DPYD: variants seen among roughly 807,000 people sequenced by gnomAD.
The protein encoded by DPYD is dihydropyrimidine dehydrogenase [NADP(+)].
Under a neutral mutation model 116.2 loss-of-function variants are expected in DPYD, and 109 were observed. The ratio of observed to expected loss-of-function variants is 0.94; its 90% confidence interval spans 0.80 to 1.10. The LOEUF is 1.10. DPYD is among the 50% of genes least tolerant of loss of function. The pLI, the probability that DPYD is intolerant of heterozygous loss-of-function variation, is 0.00. For synonymous variants in DPYD, 440 were observed against 432.0 expected, an observed-to-expected ratio of 1.02 and a Z score of -0.23; for missense variants, 1,302 against 1,254.5, an observed-to-expected ratio of 1.04 and a Z score of -0.57.
At chr1:97,532,576 G>C (rs1649707534) in intron 12 of DPYD, among the ~76,000 whole-genome samples, 1 of 151,894 alleles carries the variant, frequency 6.6e-6, no homozygotes, top group African/African-American at 2.4e-5. Context: ...GGTCTTTTCA[G>C]GTTTTCTATT....
intron 18 of DPYD, among the ~76,000 whole-genome samples, chr1:97,287,406 C>A (rs1665773432): frequency 6.6e-6 from 1 of 152,176 alleles, no homozygotes; most frequent in Non-Finnish European, 1.5e-5. Context: ...AGGCAGTCTG[C>A]CCCTTCTCAG....
intron 13 of DPYD, among the ~76,000 whole-genome samples, chr1:97,494,751 AACACAC>A (rs10657499): frequency 2.7e-5 from 4 of 146,636 alleles, no homozygotes; most frequent in Admixed American, 1.4e-4. Flanking sequence ...CAAAAAAGAA[AACACAC>A]ACACACACAC....
chr1:97,275,837 A>G (rs1464173035), intron 18 of DPYD, among the ~76,000 whole-genome samples: 1 of 152,158 alleles, frequency 6.6e-6, no homozygotes, highest in Admixed American at 6.5e-5. Context: ...CTTGAGGCAT[A>G]GACATGTGCA....
chr1:97,294,031 T>C lies in DPYD; in HGVS notation c.2299+11228A>G, dbSNP rs151298408. Among the ~76,000 whole-genome samples, 641 of 152,224 alleles carry C rather than the reference T, an allele frequency of 4.2e-3. 11 individuals are homozygous for C. Among genetic ancestry groups the C allele is most frequent in the African/African-American group, 0.015 (615 of 41,548 alleles). Reference sequence around the variant, plus strand: ...AGAATAAAATGGGGTTTCTTACATGTCTACTATGTCCCTGAAACTTTCATA... The same window carrying C: ...AGAATAAAATGGGGTTTCTTACATGCCTACTATGTCCCTGAAACTTTCATA... On this transcript the variant is annotated intron_variant, in intron 18 of 22. Coordinates refer to ENST00000370192, the MANE Select transcript of DPYD (RefSeq NM_000110.4).
At chr1:97,719,192 A>G (rs1323127512) in intron 5 of DPYD, among the ~76,000 whole-genome samples, 1 of 146,466 alleles carries the variant, frequency 6.8e-6, no homozygotes, top group East Asian at 2.0e-4. Flanking sequence ...AAAAAAAAGC[A>G]GCTGGCCTCC....
intron 20 of DPYD, among the ~76,000 whole-genome samples, chr1:97,109,665 G>C (rs1457891828): frequency 6.6e-6 from 1 of 151,972 alleles, no homozygotes; most frequent in Non-Finnish European, 1.5e-5. Context: ...AGAAACACCT[G>C]TTTTAATCCC....
At chr1:97,720,168 A>T (rs61786599) in intron 5 of DPYD, 75,023 of 922,004 alleles carry the variant, frequency 0.081, 1,992 homozygotes, top group Middle Eastern at 0.13. Flanking sequence ...TCTCTCTCAC[A>T]CACACACACA....
chr1:97,443,577 C>T (rs1179398281), intron 14 of DPYD, among the ~76,000 whole-genome samples: 1 of 152,218 alleles, frequency 6.6e-6, no homozygotes, highest in Non-Finnish European at 1.5e-5. Context: ...GAAGTCCCTT[C>T]AGTACAGAGA....
chr1:97,192,574 CAGTT>C (rs1270973048), intron 20 of DPYD, among the ~76,000 whole-genome samples: 2 of 152,074 alleles, frequency 1.3e-5, no homozygotes, highest in East Asian at 3.9e-4. Context: ...TGGAAAATAG[CAGTT>C]AGTGAGAAAG....
intron 20 of DPYD, among the ~76,000 whole-genome samples, chr1:97,166,302 G>A (rs1656322767): frequency 1.3e-5 from 2 of 152,118 alleles, no homozygotes; most frequent in African/African-American, 2.4e-5. Context: ...GATGGAGCTG[G>A]AGGCCGTTAT....
intron 12 of DPYD, among the ~76,000 whole-genome samples, chr1:97,521,814 T>A (rs1286278441): frequency 6.6e-6 from 1 of 152,156 alleles, no homozygotes; most frequent in Non-Finnish European, 1.5e-5. Context: ...GGGGAAAGGA[T>A]TCCCTATTTA....
intron 20 of DPYD, among the ~76,000 whole-genome samples, chr1:97,105,878 G>C (rs1651100726): frequency 6.6e-6 from 1 of 152,118 alleles, no homozygotes; most frequent in Non-Finnish European, 1.5e-5. Flanking sequence ...AGTTGTAGGA[G>C]GAGAAGAGAA....
At chr1:97,603,580 A>T (rs1359300934) in intron 8 of DPYD, among the ~76,000 whole-genome samples, 2 of 152,134 alleles carry the variant, frequency 1.3e-5, no homozygotes, top group East Asian at 3.9e-4. Flanking sequence ...AAGGAAGAAG[A>T]CCCCTTTAAA....
At chr1:97,369,297 G>A (rs1311300262) in intron 16 of DPYD, among the ~76,000 whole-genome samples, 3 of 152,118 alleles carry the variant, frequency 2.0e-5, no homozygotes, top group Non-Finnish European at 4.4e-5. Flanking sequence ...TTGAGTCGCA[G>A]GAGACAGAAC....
chr1:97,734,434 TGTA>T (rs1229575454), intron 4 of DPYD, among the ~76,000 whole-genome samples: 3 of 152,166 alleles, frequency 2.0e-5, no homozygotes, highest in Non-Finnish European at 4.4e-5. Flanking sequence ...ACAGTAGCTT[TGTA>T]GTATCAGTAT....
intron 21 of DPYD, among the ~76,000 whole-genome samples, chr1:97,097,129 C>T (rs1310391946): frequency 1.3e-5 from 2 of 152,162 alleles, no homozygotes; most frequent in Non-Finnish European, 2.9e-5. Context: ...AATAATTTAA[C>T]ATGAACAACT....
chr1:97,745,290 A>G (rs559112194), intron 3 of DPYD, among the ~76,000 whole-genome samples: 19 of 152,200 alleles, frequency 1.2e-4, no homozygotes, highest in African/African-American at 4.6e-4. Context: ...CCTTTTAACC[A>G]CACCTGTGAT....
chr1:97,311,750 G>A (rs1224259671), intron 16 of DPYD, among the ~76,000 whole-genome samples: 3 of 151,646 alleles, frequency 2.0e-5, no homozygotes, highest in South Asian at 4.2e-4. Flanking sequence ...GTCATACAAT[G>A]GAATAAACAC....
chr1:97,829,292 G>A (rs993014712), intron 2 of DPYD, among the ~76,000 whole-genome samples: 2 of 151,740 alleles, frequency 1.3e-5, no homozygotes, highest in African/African-American at 4.8e-5. Flanking sequence ...AAATATATTG[G>A]TATATAAACC....
Sources: allele counts gnomAD v4.1 joint callset (sites outside exome capture counted in the v4.1 genomes callset), GRCh38; gene constraint gnomAD v4.1.1; transcripts MANE v1.5; gene names NCBI Gene and HGNC (gene_info 2026-07-23, HGNC 2026-07-21).